EYS: variants seen among roughly 807,000 people sequenced by gnomAD.
EYS encodes the protein protein eyes shut homolog.
Under a neutral mutation model 282.1 loss-of-function variants are expected in EYS, and 250 were observed. The ratio of observed to expected loss-of-function variants is 0.89; its 90% CI spans 0.80 to 0.98. The LOEUF (loss-of-function observed/expected upper bound fraction) is 0.98. EYS is among the 50% of genes least tolerant of loss of function. The probability of loss-of-function intolerance (pLI) is 0.00; values close to 1 mark genes in which losing one functional copy is unlikely to be tolerated. For missense variants in EYS, 4,016 were observed against 3,709.0 expected (o/e 1.08, Z -2.15); for synonymous variants, 1,355 against 1,282.9 (o/e 1.06, Z -1.20).
rs933991948 is a variant in EYS at position 65,057,505 on chromosome 6, T to C, written c.2137+109A>G. The C allele has an allele frequency of 1.4e-5, 10 of 730,818 alleles. No individual in the cohort carries two copies. The Admixed American group carries it at 2.0e-4, about 14-fold the overall frequency. 45.3% of individuals were successfully genotyped at this position (730,818 alleles called of 1,614,324 possible). On this transcript the variant is annotated intron_variant, in intron 13 of 42. Coordinates refer to ENST00000503581, the MANE Select transcript of EYS (RefSeq NM_001142800.2). The stretch of plus-strand genomic sequence containing the variant: ...ACTTTAGAAGCTGACTTTAAGAAAA[T>C]GAAGGACTAATAATGTTGTTGGAAG...
At chr6:64,763,275 C>T (rs1001161262) in intron 22 of EYS, among the ~76,000 whole-genome samples, 1 of 152,096 alleles carries the variant, frequency 6.6e-6, no homozygotes, top group Admixed American at 6.5e-5. Flanking sequence ...AAGTTTAATT[C>T]ACTCACTGTT....
At chr6:64,676,456 TA>T (rs2149900737) in intron 22 of EYS, among the ~76,000 whole-genome samples, 1 of 151,806 alleles carries the variant, frequency 6.6e-6, no homozygotes, top group South Asian at 2.1e-4. Context: ...CCTCACTTTT[TA>T]AAATAACTTA....
At chr6:65,370,151 A>G (rs1214571685) in intron 8 of EYS, among the ~76,000 whole-genome samples, 1 of 151,066 alleles carries the variant, frequency 6.6e-6, no homozygotes, top group Non-Finnish European at 1.5e-5. Flanking sequence ...GAATACTAAT[A>G]TTTTGAGTGT....
chr6:65,179,723 T>G (rs558070446), intron 12 of EYS, among the ~76,000 whole-genome samples: 1 of 152,228 alleles, frequency 6.6e-6, no homozygotes, highest in East Asian at 1.9e-4. Context: ...AGTATCATCC[T>G]GATACCAAAG....
intron 22 of EYS, among the ~76,000 whole-genome samples, chr6:64,788,897 G>T (rs2149998848): frequency 6.6e-6 from 1 of 152,080 alleles, no homozygotes; most frequent in African/African-American, 2.4e-5. Flanking sequence ...AGTGTTTGTG[G>T]AGTTTGTAGT....
intron 22 of EYS, among the ~76,000 whole-genome samples, chr6:64,752,557 G>A (rs1184523981): frequency 1.3e-5 from 2 of 152,116 alleles, no homozygotes; most frequent in Non-Finnish European, 2.9e-5. Flanking sequence ...GGGAGAAGAA[G>A]AGTAAAAAGG....
At chr6:64,983,710 T>C (rs1562286724) in intron 14 of EYS, among the ~76,000 whole-genome samples, 1 of 151,384 alleles carries the variant, frequency 6.6e-6, no homozygotes, top group Non-Finnish European at 1.5e-5. Flanking sequence ...GAACATTTTC[T>C]TGATGAACAT....
intron 21 of EYS, among the ~76,000 whole-genome samples, 183 bp downstream of exon 21, chr6:64,821,462 A>G (rs1157045388): frequency 3.3e-5 from 5 of 151,476 alleles, no homozygotes; most frequent in African/African-American, 1.2e-4. Flanking sequence ...AGGTGGGGGA[A>G]AAAAAGCCAT....
At chr6:65,399,979 C>T (rs1338452358) in intron 7 of EYS, among the ~76,000 whole-genome samples, 2 of 151,954 alleles carry the variant, frequency 1.3e-5, no homozygotes, top group Non-Finnish European at 2.9e-5. Context: ...ACTTTCATTT[C>T]CCTTTAAAAC....
chr6:65,272,042 G>A (rs777367752), intron 12 of EYS, among the ~76,000 whole-genome samples: 10 of 152,264 alleles, frequency 6.6e-5, no homozygotes, highest in East Asian at 3.9e-4. Context: ...GTGTACATGC[G>A]CTTAAACTGG....
At chr6:65,562,865 T>A (rs1192790413) in intron 2 of EYS, among the ~76,000 whole-genome samples, 1 of 152,110 alleles carries the variant, frequency 6.6e-6, no homozygotes, top group African/African-American at 2.4e-5. Context: ...AATGTGATAT[T>A]AATTGGCTAA....
In EYS at chr6:65,047,040, A is replaced by AG. The variant is rs1432477299; in HGVS notation, c.2137+10573dup. ...TTCTGCTGTGATTCTAAGTTTTCTGAGGCCTCTGCAGCCATCCCTCCTGTA... is the reference window on the plus strand; with the variant it reads ...TTCTGCTGTGATTCTAAGTTTTCTGAGGGCCTCTGCAGCCATCCCTCCTGTA... On this transcript the variant is annotated intron_variant, in intron 13 of 42. Coordinates refer to ENST00000503581, the MANE Select transcript of EYS (RefSeq NM_001142800.2). Among the ~76,000 whole-genome samples the AG allele has an allele frequency of 2.0e-5, 3 of 150,846 alleles. No individual in the cohort carries two copies. In the East Asian group the frequency reaches 5.9e-4, roughly 30 times the overall value.
At position 65,273,327 on chromosome 6, in the gene EYS, C is replaced by G. The variant is rs963326697; in HGVS notation, c.2023+22536G>C. On this transcript the variant is annotated intron_variant, in intron 12 of 42. Transcript: ENST00000503581. ...TTCCACCAGCATTCCACAAGTGACTCCACAGCCTTTTACCAGTGTAACTCT... is the reference window on the plus strand; with the variant it reads ...TTCCACCAGCATTCCACAAGTGACTGCACAGCCTTTTACCAGTGTAACTCT... 3.3e-5 allele frequency among the ~76,000 whole-genome samples: 5 copies of G among 152,220 alleles called. 1 individual carries two copies. Among genetic ancestry groups the G allele is most frequent in the Non-Finnish European group, 7.4e-5 (5 of 68,010 alleles).
At chr6:65,148,291 G>A (rs910658591) in intron 12 of EYS, among the ~76,000 whole-genome samples, 2 of 152,110 alleles carry the variant, frequency 1.3e-5, no homozygotes, top group African/African-American at 4.8e-5. Context: ...TACAATGGGG[G>A]TACAGGCATT....
chr6:64,262,435 G>C (rs1010464503), intron 30 of EYS, among the ~76,000 whole-genome samples: 19 of 151,378 alleles, frequency 1.3e-4, no homozygotes, highest in Non-Finnish European at 2.1e-4. Context: ...TGTTAAAATG[G>C]TTCATTATTA....
intron 5 of EYS, among the ~76,000 whole-genome samples, chr6:65,408,647 T>C (rs1205900247): frequency 6.6e-6 from 1 of 152,140 alleles, no homozygotes; most frequent in East Asian, 1.9e-4. Context: ...TAAAGATTTG[T>C]CCATTTCGTT....
chr6:64,287,543 C>T (rs1477829578), intron 30 of EYS, among the ~76,000 whole-genome samples: 1 of 152,068 alleles, frequency 6.6e-6, no homozygotes, highest in African/African-American at 2.4e-5. Flanking sequence ...CTATCTAACA[C>T]ACAAATTGCC....
At chr6:64,653,721 T>C (rs1038847606) in intron 22 of EYS, among the ~76,000 whole-genome samples, 20 of 129,312 alleles carry the variant, frequency 1.5e-4, no homozygotes, top group Non-Finnish European at 1.6e-5. Context: ...CATACCACCA[T>C]GCCCAGCTAT....
At chr6:64,841,255 T>C (rs1765555230) in intron 19 of EYS, among the ~76,000 whole-genome samples, 1 of 152,138 alleles carries the variant, frequency 6.6e-6, no homozygotes, top group South Asian at 2.1e-4. Context: ...GTTCAAAACA[T>C]CTATGAACCA....
Sources: allele counts gnomAD v4.1 joint callset (sites outside exome capture counted in the v4.1 genomes callset), GRCh38; gene constraint gnomAD v4.1.1; transcripts MANE v1.5; gene names NCBI Gene and HGNC (gene_info 2026-07-23, HGNC 2026-07-21).